The following DIAPH2 variants were observed in gnomAD, a reference collection of about 807,000 sequenced individuals.
DIAPH2 encodes protein diaphanous homolog 2.
DIAPH2 carries 35 observed loss-of-function variants against 92.7 expected under a neutral mutation model. The observed-to-expected ratio is 0.38, with a 90% CI of 0.29 to 0.50. DIAPH2 has a LOEUF of 0.50. Among genes scored for constraint, DIAPH2 ranks in the 20% least tolerant of loss-of-function variants. The pLI is 0.94. For missense variants in DIAPH2, 701 were observed against 819.5 expected (o/e 0.86, Z 1.77); for synonymous variants, 301 against 280.4 (o/e 1.07, Z -0.73).
chrX:96,941,634 T>C (rs149593342), intron 12 of DIAPH2, among the ~76,000 whole-genome samples: 1,870 of 111,356 alleles, frequency 0.017, 23 homozygotes, highest in Middle Eastern at 0.037. Flanking sequence ...CTTATTGAAA[T>C]TGAGAACCTG....
chrX:96,690,109 C>G (rs1277558391), intron 1 of DIAPH2, among the ~76,000 whole-genome samples: 2 of 110,577 alleles, frequency 1.8e-5, no homozygotes, highest in African/African-American at 6.6e-5. Flanking sequence ...TCTTCTACCC[C>G]CAGCTTGTTT....
At chrX:96,897,460 G>A (rs990342031) in intron 5 of DIAPH2, among the ~76,000 whole-genome samples, 1 of 110,562 alleles carries the variant, frequency 9.0e-6, no homozygotes, top group African/African-American at 3.3e-5. Context: ...AGTTGCATAA[G>A]TCTTACAAAG....
intron 5 of DIAPH2, among the ~76,000 whole-genome samples, chrX:96,887,960 CGTGTGTGTATGTGT>C (rs766412979): frequency 1.0e-3 from 112 of 108,847 alleles, no homozygotes; most frequent in African/African-American, 2.9e-3. Flanking sequence ...ATGTGTTGTG[CGTGTGTGTATGTGT>C]GTGTGTGTAT....
chrX:97,278,913 G>A (rs2068473798), intron 23 of DIAPH2, among the ~76,000 whole-genome samples: 1 of 112,360 alleles, frequency 8.9e-6, no homozygotes, highest in South Asian at 3.7e-4. Flanking sequence ...GGACATGTCT[G>A]TGGTTTGCAG....
chrX:97,449,181 G>T (rs191145413), intron 26 of DIAPH2, among the ~76,000 whole-genome samples: 10 of 112,102 alleles, frequency 8.9e-5, no homozygotes, highest in Non-Finnish European at 5.6e-5. Context: ...CTACAGAGTT[G>T]TCCCAGATGT....
intron 1 of DIAPH2, among the ~76,000 whole-genome samples, chrX:96,700,582 A>G (rs910417072): frequency 3.6e-5 from 4 of 112,467 alleles, no homozygotes; most frequent in South Asian, 3.6e-4. Flanking sequence ...TTGCAGTTCT[A>G]CTAAAAACTG....
chrX:97,059,735 G>A (rs2066584316), intron 17 of DIAPH2, among the ~76,000 whole-genome samples: 1 of 111,841 alleles, frequency 8.9e-6, no homozygotes, highest in Admixed American at 9.5e-5. Flanking sequence ...AAGTGGAAGT[G>A]GATCACCATA....
intron 17 of DIAPH2, among the ~76,000 whole-genome samples, chrX:96,991,520 A>G (rs1371947483): frequency 3.2e-5 from 3 of 94,896 alleles, no homozygotes; most frequent in Non-Finnish European, 6.2e-5. Flanking sequence ...ATTGAAACCA[A>G]GGTATCCTGT....
At chrX:96,739,839 A>G (rs2064108849) in intron 3 of DIAPH2, among the ~76,000 whole-genome samples, 1 of 111,047 alleles carries the variant, frequency 9.0e-6, no homozygotes, top group Non-Finnish European at 1.9e-5. Context: ...CTTTCGTGCT[A>G]TCTTCTTTAA....
intron 1 of DIAPH2, among the ~76,000 whole-genome samples, chrX:96,729,578 G>T (rs1230044068): frequency 8.9e-6 from 1 of 112,051 alleles, no homozygotes; most frequent in Non-Finnish European, 1.9e-5. Flanking sequence ...TGTTATGACA[G>T]ATTTATCAAA....
intron 26 of DIAPH2, among the ~76,000 whole-genome samples, chrX:97,542,596 G>A (rs1035435235): frequency 8.9e-6 from 1 of 111,971 alleles, no homozygotes; most frequent in Non-Finnish European, 1.9e-5. Context: ...GATGAAACAG[G>A]ACTTCTCAGC....
chrX:97,505,299 A>C (rs1307697365), intron 26 of DIAPH2, among the ~76,000 whole-genome samples: 2 of 111,833 alleles, frequency 1.8e-5, no homozygotes, highest in Admixed American at 9.5e-5. Flanking sequence ...ACTTTCAACA[A>C]GGGGGAGTAA....
intron 4 of DIAPH2, among the ~76,000 whole-genome samples, chrX:96,861,350 G>A (rs2065071428): frequency 8.9e-6 from 1 of 111,852 alleles, no homozygotes; most frequent in South Asian, 3.7e-4. Context: ...TGACATTGCC[G>A]TACTTCCAGA....
At chrX:97,148,700 T>A (rs779949830) in intron 22 of DIAPH2, among the ~76,000 whole-genome samples, 1 of 111,888 alleles carries the variant, frequency 8.9e-6, no homozygotes, top group African/African-American at 3.2e-5. Context: ...AAATGCTTAT[T>A]AAATTAATTG....
chrX:96,956,258 T>C (rs1414388033), intron 15 of DIAPH2, among the ~76,000 whole-genome samples: 2 of 112,625 alleles, frequency 1.8e-5, no homozygotes, highest in East Asian at 5.6e-4. Context: ...CTTTTATCCA[T>C]GGCTGAAGTG....
intron 24 of DIAPH2, among the ~76,000 whole-genome samples, chrX:97,363,153 C>T (rs1271784330): frequency 8.9e-6 from 1 of 111,899 alleles, no homozygotes; most frequent in Non-Finnish European, 1.9e-5. Context: ...GGAGGATATA[C>T]AAATAGAGAA....
At chrX:97,011,807 G>A (rs1045416448) in intron 17 of DIAPH2, among the ~76,000 whole-genome samples, 2 of 101,554 alleles carry the variant, frequency 2.0e-5, no homozygotes, top group Non-Finnish European at 3.9e-5. Context: ...CACGAGAATC[G>A]CTGGACCCTG....
At chrX:96,903,238 A>G (rs829287) in intron 5 of DIAPH2, among the ~76,000 whole-genome samples, 54,480 of 110,382 alleles carry the variant, frequency 0.49, 10,376 homozygotes, top group South Asian at 0.69. Flanking sequence ...GGTATATGCT[A>G]ATGCCTCTAT....
At chrX:96,997,535 T>G (rs1025547019) in intron 17 of DIAPH2, among the ~76,000 whole-genome samples, 4 of 111,668 alleles carry the variant, frequency 3.6e-5, no homozygotes, top group Non-Finnish European at 7.5e-5. Flanking sequence ...TTTGCCAAGA[T>G]TTTTCATTGT....
Sources: gnomAD v4.1 joint callset for allele counts (sites outside exome capture counted in the v4.1 genomes callset) on GRCh38, gnomAD v4.1.1 for gene constraint, MANE v1.5 for transcripts, NCBI Gene and HGNC (gene_info 2026-07-23, HGNC 2026-07-21) for gene names.